The following NLGN4X variants were observed in gnomAD, a reference collection of about 807,000 sequenced individuals.
The protein encoded by NLGN4X is neuroligin-4, X-linked.
NLGN4X carries 3 observed loss-of-function variants against 40.3 expected under a neutral mutation model. The ratio of observed to expected loss-of-function variants is 0.07; its 90% CI spans 0.03 to 0.19. The LOEUF is 0.19. Among genes scored for constraint, NLGN4X ranks in the 10% least tolerant of loss-of-function variants. The pLI is 1.00. For missense variants in NLGN4X, 382 were observed against 708.3 expected, an observed-to-expected ratio of 0.54 and a Z score of 5.23; for synonymous variants, 270 against 306.8, an observed-to-expected ratio of 0.88 and a Z score of 1.25.
At chrX:6,173,194 CG>C (rs1323384470) in intron 1 of NLGN4X, among the ~76,000 whole-genome samples, 6 of 112,392 alleles carry the variant, frequency 5.3e-5, no homozygotes, top group Admixed American at 4.7e-4. Context: ...AGCCACACAG[CG>C]TAGAAACCTG....
At chrX:6,166,196 A>G (rs181012647) in intron 1 of NLGN4X, among the ~76,000 whole-genome samples, 1 of 112,354 alleles carries the variant, frequency 8.9e-6, no homozygotes, top group Admixed American at 9.5e-5. Flanking sequence ...CCAGGTACTT[A>G]GCACACAATA....
At chrX:6,098,044 C>T in intron 2 of NLGN4X, among the ~76,000 whole-genome samples, 1 of 112,928 alleles carries the variant, frequency 8.9e-6, no homozygotes, top group East Asian at 2.8e-4. Flanking sequence ...AATCCCAGCA[C>T]TTTGGTAGGC....
chrX:6,127,152 T>A (rs2039571067), intron 2 of NLGN4X, among the ~76,000 whole-genome samples: 1 of 111,350 alleles, frequency 9.0e-6, no homozygotes, highest in African/African-American at 3.3e-5. Flanking sequence ...GGCCTGTATA[T>A]ATGACCTCCA....
intron 4 of NLGN4X, among the ~76,000 whole-genome samples, chrX:5,907,997 A>G (rs1194692662): frequency 2.4e-5 from 2 of 83,712 alleles, no homozygotes; most frequent in Non-Finnish European, 4.5e-5. Flanking sequence ...GAGAGAGAGG[A>G]AGAGAGAGAG....
At chrX:5,951,254 G>C (rs938210052) in intron 3 of NLGN4X, among the ~76,000 whole-genome samples, 4 of 111,922 alleles carry the variant, frequency 3.6e-5, no homozygotes, top group Non-Finnish European at 7.5e-5. Context: ...TTGGGATCTA[G>C]TCTTCTGTCT....
chrX:6,119,242 G>T (rs1167793569), intron 2 of NLGN4X, among the ~76,000 whole-genome samples: 3 of 111,514 alleles, frequency 2.7e-5, no homozygotes, highest in Non-Finnish European at 5.7e-5. Flanking sequence ...GCCTATGTTG[G>T]GCAATCAAGG....
chrX:5,894,467 T>G (rs2031377391), intron 5 of NLGN4X, among the ~76,000 whole-genome samples: 1 of 111,974 alleles, frequency 8.9e-6, no homozygotes, highest in Admixed American at 9.5e-5. Flanking sequence ...CTGTAAGAAG[T>G]TTGCTAAAAT....
intron 3 of NLGN4X, among the ~76,000 whole-genome samples, chrX:5,990,610 A>G (rs1264145702): frequency 8.9e-6 from 1 of 112,016 alleles, no homozygotes; most frequent in Admixed American, 9.5e-5. Context: ...TGCATTCACT[A>G]TTTCACCCAT....
At chrX:6,022,296 C>T (rs922074836) in intron 3 of NLGN4X, among the ~76,000 whole-genome samples, 4 of 110,993 alleles carry the variant, frequency 3.6e-5, no homozygotes, top group Non-Finnish European at 7.5e-5. Context: ...TGTTGATTCT[C>T]GAAAAAGGAA....
intron 3 of NLGN4X, among the ~76,000 whole-genome samples, chrX:6,008,503 T>C (rs1173293169): frequency 9.0e-6 from 1 of 111,617 alleles, no homozygotes; most frequent in African/African-American, 3.2e-5. Context: ...TTATATGAAA[T>C]GTAAGATTAT....
intron 2 of NLGN4X, among the ~76,000 whole-genome samples, chrX:6,035,181 T>C (rs1162709045): frequency 8.9e-6 from 1 of 112,392 alleles, no homozygotes; most frequent in African/African-American, 3.2e-5. Flanking sequence ...ATTTTCTAAA[T>C]AAAAGTCTTT....
chrX:6,126,014 T>C (rs940054938), intron 2 of NLGN4X, among the ~76,000 whole-genome samples: 6 of 110,698 alleles, frequency 5.4e-5, no homozygotes, highest in African/African-American at 2.0e-4. Context: ...ATTAAAAATG[T>C]GTTATTCCCG....
intron 2 of NLGN4X, among the ~76,000 whole-genome samples, chrX:6,112,533 T>A (rs2039174493): frequency 9.1e-6 from 1 of 109,888 alleles, no homozygotes; most frequent in Non-Finnish European, 1.9e-5. Context: ...GTAGATACTC[T>A]GCCCTCAAGG....
chrX:6,069,713 T>C (rs765550555), intron 2 of NLGN4X, among the ~76,000 whole-genome samples: 6 of 112,009 alleles, frequency 5.4e-5, no homozygotes, highest in Non-Finnish European at 1.9e-5. Context: ...GTATTCATGC[T>C]GAAATACAAA....
intron 3 of NLGN4X, among the ~76,000 whole-genome samples, chrX:5,937,341 G>A (rs780196179): frequency 2.7e-5 from 3 of 111,310 alleles, no homozygotes; most frequent in Non-Finnish European, 1.9e-5. Flanking sequence ...CTCCCAAAGT[G>A]CCTAACCTTG....
intron 2 of NLGN4X, among the ~76,000 whole-genome samples, chrX:6,030,819 T>C (rs1228947867): frequency 1.8e-5 from 2 of 112,336 alleles, no homozygotes; most frequent in Non-Finnish European, 3.8e-5. Context: ...GGAAATGTCT[T>C]CTGCTATATG....
intron 2 of NLGN4X, among the ~76,000 whole-genome samples, chrX:6,082,379 A>G (rs989531330): frequency 2.8e-5 from 3 of 108,890 alleles, no homozygotes; most frequent in Non-Finnish European, 5.7e-5. Context: ...CCACAAAAAA[A>G]AAAATACAAA....
intron 3 of NLGN4X, among the ~76,000 whole-genome samples, chrX:6,004,511 T>C (rs964669884): frequency 8.4e-4 from 94 of 111,996 alleles, no homozygotes; most frequent in African/African-American, 2.8e-3. Context: ...AAGCACATCA[T>C]CTATTCACAG....
intron 2 of NLGN4X, among the ~76,000 whole-genome samples, chrX:6,037,354 G>A (rs747948989): frequency 2.7e-5 from 3 of 109,520 alleles, no homozygotes; most frequent in South Asian, 8.0e-4. Flanking sequence ...ATTGGAAAAC[G>A]AAGACTATTG....
Sources: gnomAD v4.1 joint callset for allele counts (sites outside exome capture counted in the v4.1 genomes callset) on GRCh38, gnomAD v4.1.1 for gene constraint, MANE v1.5 for transcripts, NCBI Gene and HGNC (gene_info 2026-07-23, HGNC 2026-07-21) for gene names.